Variants in SUGCT observed in about 807,000 individuals in gnomAD.
The protein encoded by SUGCT is succinyl-CoA:glutarate-CoA transferase, also known as succinyl-CoA:glutarate CoA-transferase.
In SUGCT, 41 loss-of-function variants were observed where a neutral mutation model predicts 55.0. The ratio of observed to expected loss-of-function variants is 0.74; its 90% confidence interval spans 0.58 to 0.97. The LOEUF (loss-of-function observed/expected upper bound fraction) is 0.97. SUGCT is among the 50% of genes least tolerant of loss of function. SUGCT has a pLI of 0.00. For synonymous variants in SUGCT, 187 were observed against 200.4 expected (o/e 0.93, Z 0.56); for missense variants, 568 against 547.8 (o/e 1.04, Z -0.37).
chr7:40,936,034 G>C, the SUGCT span, among the ~76,000 whole-genome samples: 11 of 152,026 alleles, frequency 7.2e-5, no homozygotes, highest in African/African-American at 2.7e-4. Flanking sequence ...TTAATTATTT[G>C]ATGGAAAATT....
At chr7:40,638,295 G>A (rs1800109073) in intron 12 of SUGCT, among the ~76,000 whole-genome samples, 1 of 152,108 alleles carries the variant, frequency 6.6e-6, no homozygotes, top group African/African-American at 2.4e-5. Context: ...TAAAAATTGA[G>A]CAGATTCAAG....
intron 1 of SUGCT, among the ~76,000 whole-genome samples, chr7:40,166,773 G>A (rs994283276): frequency 1.3e-5 from 2 of 151,820 alleles, no homozygotes; most frequent in Admixed American, 1.3e-4. Flanking sequence ...TGTAATTCCA[G>A]CTACTTGGGA....
At chr7:40,924,196 T>A in the SUGCT span, among the ~76,000 whole-genome samples, 1 of 152,168 alleles carries the variant, frequency 6.6e-6, no homozygotes, top group East Asian at 1.9e-4. Context: ...TGTTAAATAT[T>A]TTGTTAAAGC....
chr7:40,878,083 TTTC>T, the SUGCT span, among the ~76,000 whole-genome samples: 2 of 152,136 alleles, frequency 1.3e-5, no homozygotes, highest in Non-Finnish European at 2.9e-5. Context: ...TCTTTTGTTG[TTTC>T]TTCTTCTTTT....
At chr7:40,201,065 C>A (rs1786572927) in intron 6 of SUGCT, among the ~76,000 whole-genome samples, 1 of 151,922 alleles carries the variant, frequency 6.6e-6, no homozygotes, top group African/African-American at 2.4e-5. Flanking sequence ...ATAACTATAG[C>A]TTTAAAAAAA....
intron 12 of SUGCT, among the ~76,000 whole-genome samples, chr7:40,697,085 C>T (rs988888531): frequency 2.6e-5 from 4 of 152,102 alleles, no homozygotes; most frequent in East Asian, 3.9e-4. Flanking sequence ...CACACTCACA[C>T]GTAACACACA....
intron 13 of SUGCT, among the ~76,000 whole-genome samples, chr7:40,785,397 T>G (rs1170499536): frequency 6.6e-6 from 1 of 152,302 alleles, no homozygotes; most frequent in South Asian, 2.1e-4. Context: ...ATAAGTCCTA[T>G]TAAAGAAAGC....
chr7:40,835,317 A>G (rs927514414), intron 13 of SUGCT, among the ~76,000 whole-genome samples: 8 of 152,128 alleles, frequency 5.3e-5, no homozygotes, highest in African/African-American at 1.7e-4. Context: ...ACAGAATTAA[A>G]ATCTAATTTC....
chr7:40,806,892 A>ATG (rs1209986367), intron 13 of SUGCT, among the ~76,000 whole-genome samples: 1 of 152,188 alleles, frequency 6.6e-6, no homozygotes, highest in Admixed American at 6.5e-5. Flanking sequence ...CATGGTCTCC[A>ATG]TGCAGCTCCA....
At chr7:40,468,862 A>C (rs1790264137) in intron 11 of SUGCT, among the ~76,000 whole-genome samples, 1 of 152,182 alleles carries the variant, frequency 6.6e-6, no homozygotes, top group African/African-American at 2.4e-5. Flanking sequence ...AATGTGGAGA[A>C]AACAGAGGAA....
chr7:40,686,262 G>A (rs1302604917), intron 12 of SUGCT, among the ~76,000 whole-genome samples: 3 of 152,102 alleles, frequency 2.0e-5, no homozygotes, highest in African/African-American at 7.2e-5. Flanking sequence ...TGTGAAACTG[G>A]CCATACTACT....
chr7:40,371,809 C>A (rs1245038845), intron 9 of SUGCT, among the ~76,000 whole-genome samples: 2 of 151,994 alleles, frequency 1.3e-5, no homozygotes, highest in Non-Finnish European at 2.9e-5. Flanking sequence ...CACTTCATTT[C>A]CTGATATAGG....
At chr7:40,950,668 G>C in the SUGCT span, among the ~76,000 whole-genome samples, 24 of 152,164 alleles carry the variant, frequency 1.6e-4, no homozygotes, top group East Asian at 3.9e-3. Flanking sequence ...TAACATGAAG[G>C]GCTGTTGAAT....
At chr7:40,934,724 C>T in the SUGCT span, among the ~76,000 whole-genome samples, 1 of 152,208 alleles carries the variant, frequency 6.6e-6, no homozygotes, top group African/African-American at 2.4e-5. Flanking sequence ...AGCAAGGCTC[C>T]ATGGGTGTAG....
At chr7:40,719,408 CT>C (rs1786199048) in intron 12 of SUGCT, among the ~76,000 whole-genome samples, 1 of 152,198 alleles carries the variant, frequency 6.6e-6, no homozygotes, top group Non-Finnish European at 1.5e-5. Flanking sequence ...CATGGTCTCC[CT>C]CAGGGACTTT....
chr7:40,314,164 T>C (rs2151103984), intron 8 of SUGCT, among the ~76,000 whole-genome samples: 1 of 152,314 alleles, frequency 6.6e-6, no homozygotes, highest in Middle Eastern at 3.4e-3. Context: ...GCCAAGCTGA[T>C]ATCCAGCCAG....
intron 12 of SUGCT, among the ~76,000 whole-genome samples, chr7:40,547,632 A>G (rs1795063333): frequency 6.6e-6 from 1 of 152,198 alleles, no homozygotes; most frequent in Admixed American, 6.5e-5. Context: ...CATACTATAA[A>G]AATGCAGATA....
intron 13 of SUGCT, among the ~76,000 whole-genome samples, chr7:40,834,591 A>G (rs959141865): frequency 2.6e-5 from 4 of 152,170 alleles, no homozygotes; most frequent in Non-Finnish European, 5.9e-5. Flanking sequence ...TATCTAGACT[A>G]AGGAAAAAGA....
At chr7:40,439,993 T>C (rs746476726) in intron 9 of SUGCT, among the ~76,000 whole-genome samples, 45 of 152,094 alleles carry the variant, frequency 3.0e-4, no homozygotes, top group South Asian at 1.2e-3. Flanking sequence ...TCTGCCTGGA[T>C]TTCAAATGGG....
Sources: allele counts gnomAD v4.1 joint callset (sites outside exome capture counted in the v4.1 genomes callset), GRCh38; gene constraint gnomAD v4.1.1; transcripts MANE v1.5; gene names NCBI Gene and HGNC (gene_info 2026-07-23, HGNC 2026-07-21).